The following STMN2 variants were observed in gnomAD, a reference collection of about 807,000 sequenced individuals.
STMN2 encodes stathmin 2.
In STMN2, 2 loss-of-function variants were observed where a neutral mutation model predicts 24.1. That is an observed-to-expected ratio of 0.08 (90% CI 0.03 to 0.26). The LOEUF is 0.26. STMN2 is among the 10% of genes least tolerant of loss of function. The probability of loss-of-function intolerance (pLI) is 1.00; values close to 1 mark genes in which losing one functional copy is unlikely to be tolerated. For missense variants in STMN2, 114 were observed against 213.6 expected (o/e 0.53, Z 2.91); for synonymous variants, 83 against 77.5 (o/e 1.07, Z -0.37).
intron 1 of STMN2, among the ~76,000 whole-genome samples, 196 bp from the exon 2 acceptor site, chr8:79,636,603 TCTC>T (rs1442584693): frequency 2.0e-5 from 3 of 152,206 alleles, no homozygotes; most frequent in African/African-American, 7.2e-5. Context: ...ATGCAATTGA[TCTC>T]CTCTGCACTA....
intron 1 of STMN2, among the ~76,000 whole-genome samples, chr8:79,611,439 T>C (rs188922974): frequency 1.4e-4 from 21 of 152,274 alleles, no homozygotes; most frequent in African/African-American, 4.8e-4. Context: ...AGCGGGTAAG[T>C]TGCCCTCCTA....
At chr8:79,641,779 T>C (rs35487858) in intron 3 of STMN2, among the ~76,000 whole-genome samples, 21,138 of 151,946 alleles carry the variant, frequency 0.14, 1,826 homozygotes, top group East Asian at 0.19. Context: ...AGATGCTAAT[T>C]TTAGGCTAGC....
chr8:79,613,621 T>C, intron 1 of STMN2: 2 of 985,498 alleles, frequency 2.0e-6, no homozygotes, highest in Non-Finnish European at 2.4e-6. Flanking sequence ...CAAATCGTTG[T>C]TATTATTTAA....
intron 1 of STMN2, among the ~76,000 whole-genome samples, chr8:79,622,236 A>C (rs919463970): frequency 4.6e-5 from 7 of 152,204 alleles, no homozygotes; most frequent in African/African-American, 1.4e-4. Flanking sequence ...ATGGGAAAAC[A>C]ATACCTAAAT....
At chr8:79,637,922 C>T (rs1163794920) in intron 2 of STMN2, among the ~76,000 whole-genome samples, 1 of 152,208 alleles carries the variant, frequency 6.6e-6, no homozygotes, top group Non-Finnish European at 1.5e-5. Context: ...CAAAGTTATT[C>T]TATCGTAGCA....
intron 1 of STMN2, among the ~76,000 whole-genome samples, chr8:79,627,660 A>G (rs1432995705): frequency 2.0e-5 from 3 of 152,216 alleles, no homozygotes. Flanking sequence ...TTTATGAAGC[A>G]TTTGTCACAT....
intron 1 of STMN2, among the ~76,000 whole-genome samples, chr8:79,617,257 A>C (rs1487686565): frequency 1.3e-5 from 2 of 152,232 alleles, no homozygotes; most frequent in African/African-American, 4.8e-5. Context: ...AGGATCTTCA[A>C]GGAATAGCAT....
intron 3 of STMN2, among the ~76,000 whole-genome samples, chr8:79,646,242 C>A (rs966291354): frequency 1.3e-5 from 2 of 151,970 alleles, no homozygotes; most frequent in Non-Finnish European, 2.9e-5. Flanking sequence ...AGATATTTAT[C>A]AAGCACTTAC....
At chr8:79,645,779 T>A (rs1400666607) in intron 3 of STMN2, among the ~76,000 whole-genome samples, 1 of 152,198 alleles carries the variant, frequency 6.6e-6, no homozygotes, top group East Asian at 1.9e-4. Flanking sequence ...AGGGGACTTC[T>A]CTGAACCTAG....
chr8:79,652,216 C>T (rs1810348145), intron 3 of STMN2, among the ~76,000 whole-genome samples: 1 of 152,184 alleles, frequency 6.6e-6, no homozygotes, highest in Non-Finnish European at 1.5e-5. Flanking sequence ...GATTTCTGTT[C>T]ATTACAAGAG....
intron 2 of STMN2, 70 bp from the exon 3 acceptor site, chr8:79,641,308 T>A (rs1189992141): frequency 6.6e-7 from 1 of 1,512,616 alleles, no homozygotes; most frequent in East Asian, 2.3e-5. Flanking sequence ...ATTGCTGGAA[T>A]CTAAATTATT....
At chr8:79,657,027 C>T (rs1806389201) in intron 4 of STMN2, among the ~76,000 whole-genome samples, 1 of 152,160 alleles carries the variant, frequency 6.6e-6, no homozygotes, top group African/African-American at 2.4e-5. Context: ...GCGTATACCA[C>T]CACGCCCAGC....
intron 4 of STMN2, among the ~76,000 whole-genome samples, chr8:79,661,078 CT>C (rs1806491518): frequency 6.6e-6 from 1 of 152,086 alleles, no homozygotes; most frequent in South Asian, 2.1e-4. Context: ...AGTTCCATAT[CT>C]TTGTAATTTC....
intron 2 of STMN2, among the ~76,000 whole-genome samples, chr8:79,639,030 A>G (rs1810033224): frequency 6.6e-6 from 1 of 152,170 alleles, no homozygotes; most frequent in Admixed American, 6.5e-5. Context: ...TTTCCAATAT[A>G]GTTATTGAGT....
intron 4 of STMN2, among the ~76,000 whole-genome samples, chr8:79,660,629 G>C (rs1806481751): frequency 6.6e-6 from 1 of 152,130 alleles, no homozygotes; most frequent in Admixed American, 6.5e-5. Context: ...CTTTCCCTAA[G>C]AGGTAATTTT....
intron 1 of STMN2, among the ~76,000 whole-genome samples, chr8:79,620,077 C>T (rs891305715): frequency 1.3e-5 from 2 of 150,894 alleles, no homozygotes; most frequent in Admixed American, 6.6e-5. Flanking sequence ...TACAAGTTGT[C>T]TTATTTAAAG....
At chr8:79,620,531 T>G (rs1721430059) in intron 1 of STMN2, among the ~76,000 whole-genome samples, 1 of 152,064 alleles carries the variant, frequency 6.6e-6, no homozygotes, top group African/African-American at 2.4e-5. Context: ...TTTAGTCTTT[T>G]GCAGAAAAAA....
intron 1 of STMN2, among the ~76,000 whole-genome samples, chr8:79,624,316 T>C (rs1391365288): frequency 1.3e-5 from 2 of 150,904 alleles, no homozygotes; most frequent in Non-Finnish European, 3.0e-5. Context: ...TAGCCGGGTG[T>C]GGTGGCGGGT....
intron 3 of STMN2, among the ~76,000 whole-genome samples, chr8:79,652,459 G>A (rs986230599): frequency 1.3e-5 from 2 of 152,064 alleles, no homozygotes; most frequent in Non-Finnish European, 1.5e-5. Flanking sequence ...TGGAGATGAG[G>A]GAGTTAGGAA....
Sources: gnomAD v4.1 joint callset for allele counts (sites outside exome capture counted in the v4.1 genomes callset) on GRCh38, gnomAD v4.1.1 for gene constraint, MANE v1.5 for transcripts, NCBI Gene and HGNC (gene_info 2026-07-23, HGNC 2026-07-21) for gene names.